The following BOK variants were observed in gnomAD, a reference collection of about 807,000 sequenced individuals.
The protein encoded by BOK is bcl-2-related ovarian killer protein.
A neutral mutation model predicts 18.3 loss-of-function variants in BOK; 20 were observed. The observed-to-expected ratio is 1.09, with a 90% CI of 0.77 to 1.59. The LOEUF (loss-of-function observed/expected upper bound fraction) is 1.59, where lower values mean the gene tolerates loss of function less well. Ranked by LOEUF, BOK falls within the 40% of genes most tolerant of loss-of-function variation. The pLI, the probability that BOK is intolerant of heterozygous loss-of-function variation, is 0.00. For missense variants in BOK, 348 were observed against 307.9 expected, an observed-to-expected ratio of 1.13 and a Z score of -0.97; for synonymous variants, 173 against 142.4, an observed-to-expected ratio of 1.21 and a Z score of -1.53.
At chr2:241,564,402 C>T (rs143016921) in intron 3 of BOK, among the ~76,000 whole-genome samples, 4 of 152,158 alleles carry the variant, frequency 2.6e-5, no homozygotes, top group Non-Finnish European at 4.4e-5. Context: ...TTTGGGAGAT[C>T]GTAAATGAAT....
chr2:241,552,958 T>G (rs1019057854), intron 1 of BOK, among the ~76,000 whole-genome samples: 3 of 152,066 alleles, frequency 2.0e-5, no homozygotes, highest in African/African-American at 7.2e-5. Context: ...CACACAACCC[T>G]CTGCCTGGTT....
chr2:241,555,592 G>A (rs2066445428), upstream of BOK, among the ~76,000 whole-genome samples: 1 of 151,886 alleles, frequency 6.6e-6, no homozygotes, highest in South Asian at 2.1e-4. Context: ...GGTCAAGCTG[G>A]TCTCGAACTC....
At chr2:241,561,192 G>C (rs1264871500) in intron 2 of BOK, among the ~76,000 whole-genome samples, 2 of 152,228 alleles carry the variant, frequency 1.3e-5, no homozygotes, top group Non-Finnish European at 2.9e-5. Context: ...TGTTTGCTTT[G>C]GCTGGAGAAC....
Position 241,562,449 on chromosome 2 carries a change from G to A in BOK, c.322G>A (p.Ala108Thr), listed in dbSNP as rs1185804191. ...GCCTGTGGTGACCGATGCGTTCCTG[G>A]CCGTGGCTGGCCACATCTTCTCTGC... ...SEPVVTDAFL[A>T]VAGHIFSAGI... Residue 108 changes from alanine (A) to threonine (T), a missense_variant, in exon 3 of 5, where the codon GCC (alanine) becomes ACC (threonine). Transcript: ENST00000318407. The surrounding 1 kb of genome is among the most constrained non-coding windows in gnomAD (Gnocchi z 4.5). 2 of 1,611,690 alleles carry A rather than the reference G, an allele frequency of 1.2e-6. No individual in the cohort carries two copies. The highest frequency in any genetic ancestry group is 1.7e-6 in the Non-Finnish European group (2 of 1,179,716).
chr2:241,553,545 C>A (rs1309286390), intron 1 of BOK, among the ~76,000 whole-genome samples: 1 of 152,158 alleles, frequency 6.6e-6, no homozygotes, highest in Non-Finnish European at 1.5e-5. Context: ...AGGAAACTTA[C>A]AATCATGGCG....
chr2:241,567,965 C>T (rs1364966354), intron 3 of BOK, among the ~76,000 whole-genome samples: 7 of 152,088 alleles, frequency 4.6e-5, no homozygotes, highest in African/African-American at 7.2e-5. Flanking sequence ...CACTGCCAGC[C>T]GTGAGCCTGC....
chr2:241,562,354 A>G lies in BOK; in HGVS notation c.227A>G (p.Glu76Gly). 1 of 1,603,288 alleles carries G rather than the reference A, an allele frequency of 6.2e-7. No individual in the cohort carries two copies. The highest frequency in any genetic ancestry group is 8.5e-7 in the Non-Finnish European group (1 of 1,175,804). The stretch of plus-strand genomic sequence containing the variant: ...TGCTCTTGTGACCACACAGGCGATG[A>G]GCTGGAGATGATCCGGCCCAGCGTC... Reference protein sequence around the residue: ...VCAVLLRLGDELEMIRPSVYR... With the variant: ...VCAVLLRLGDGLEMIRPSVYR... The change falls in exon 3 of 5, where the codon GAG becomes GGG. Residue 76 changes from glutamate to glycine, a missense_variant. Physicochemically the swap from Glu to Gly is moderately conservative, Grantham distance 98. Coordinates refer to ENST00000318407, the MANE Select transcript of BOK (RefSeq NM_032515.5). The surrounding 1 kb of genome is among the most constrained non-coding windows in gnomAD (Gnocchi z 4.5).
chr2:241,552,186 A>G (rs1442782803), intron 1 of BOK, among the ~76,000 whole-genome samples: 2 of 152,120 alleles, frequency 1.3e-5, no homozygotes, highest in African/African-American at 4.8e-5. Flanking sequence ...GCCCACCCAC[A>G]AGCGGCTCCC....
intron 4 of BOK, among the ~76,000 whole-genome samples, chr2:241,572,034 C>G (rs966968830): frequency 6.6e-6 from 1 of 152,228 alleles, no homozygotes; most frequent in Non-Finnish European, 1.5e-5. Context: ...GGCAGGGGCC[C>G]TCCGGCCGGC....
intron 4 of BOK, among the ~76,000 whole-genome samples, chr2:241,570,525 T>C (rs1202239823): frequency 2.5e-5 from 1 of 40,758 alleles, no homozygotes; most frequent in Non-Finnish European, 4.5e-5. Context: ...TGGGTGAGCC[T>C]CTGAGCGCCT....
intron 1 of BOK, 39 bp downstream of exon 1, chr2:241,559,032 G>C (rs1455644987): frequency 1.3e-5 from 2 of 151,716 alleles, no homozygotes; most frequent in African/African-American, 2.4e-5. Context: ...CGGGGTGCCC[G>C]GGGTGCCACG....
In BOK at chr2:241,562,699, C is replaced by T. The variant is rs1348286791; in HGVS notation, c.349+223C>T. Among the ~76,000 whole-genome samples the T allele has an allele frequency of 1.3e-5, 2 of 152,216 alleles. No individual in the cohort carries two copies. The highest frequency in any genetic ancestry group is 4.8e-5 in the African/African-American group (2 of 41,454). ...GTGGTTCTGCAGGCTGGTGGGCATG[C>T]TGAGCAGCTGGCACAGGCTTCTTGA... On this transcript the variant is annotated intron_variant, in intron 3 of 4. Coordinates refer to ENST00000318407, the MANE Select transcript of BOK (RefSeq NM_032515.5). This position sits in a 1 kb window ranked among gnomAD's most constrained non-coding sequence, Gnocchi z 4.5.
chr2:241,560,397 C>G, intron 2 of BOK: 1 of 696,000 alleles, frequency 1.4e-6, no homozygotes. Context: ...GTGGCTGAGC[C>G]CGGGAAGGGG....
chr2:241,571,411 C>T (rs1034501008), intron 4 of BOK, among the ~76,000 whole-genome samples: 3 of 149,746 alleles, frequency 2.0e-5, no homozygotes, highest in Non-Finnish European at 3.0e-5. Flanking sequence ...TGTAAATCAG[C>T]GGCCAGGGGT....
At chr2:241,552,576 C>G (rs573235312) in intron 1 of BOK, among the ~76,000 whole-genome samples, 1 of 152,328 alleles carries the variant, frequency 6.6e-6, no homozygotes, top group African/African-American at 2.4e-5. Flanking sequence ...AGGCTGCCGC[C>G]GCTGCTGAAC....
rs2066549661 is a variant in BOK at position 241,562,706 on chromosome 2, G to A, written c.349+230G>A. ...TGCAGGCTGGTGGGCATGCTGAGCA[G>A]CTGGCACAGGCTTCTTGATTGGTTG... On this transcript the variant is annotated intron_variant, in intron 3 of 4. Transcript: ENST00000318407. This position sits in a 1 kb window ranked among gnomAD's most constrained non-coding sequence, Gnocchi z 4.5. Among the ~76,000 whole-genome samples, 1 of 152,232 alleles carries A rather than the reference G, an allele frequency of 6.6e-6. No individual in the cohort carries two copies. Among genetic ancestry groups the A allele is most frequent in the South Asian group, 2.1e-4 (1 of 4,824 alleles).
chr2:241,567,476 G>A lies in BOK; in HGVS notation c.350-2649G>A, dbSNP rs2066633441. On this transcript the variant is annotated intron_variant, in intron 3 of 4. Transcript: ENST00000318407. ...CGGACACCTCAGAACAGGTTGTCCCGCAAGCCACACGCAGTGCTGACATCA... is the reference window on the plus strand; with the variant it reads ...CGGACACCTCAGAACAGGTTGTCCCACAAGCCACACGCAGTGCTGACATCA... 2.2e-5 allele frequency among the ~76,000 whole-genome samples: 3 copies of A among 135,274 alleles called. No individual in the cohort carries two copies. The South Asian group carries it at 7.5e-4, about 34-fold the overall frequency. 88.7% of individuals were successfully genotyped at this position (135,274 alleles called of 152,430 possible).
upstream of BOK, among the ~76,000 whole-genome samples, chr2:241,555,198 ATTTG>A (rs1374986531): frequency 2.0e-5 from 3 of 152,080 alleles, no homozygotes; most frequent in Non-Finnish European, 4.4e-5. Context: ...TCTTTTTAAA[ATTTG>A]TTTTAGAAAC....
chr2:241,565,319 C>T (rs373919586), intron 3 of BOK, among the ~76,000 whole-genome samples: 4 of 152,176 alleles, frequency 2.6e-5, no homozygotes, highest in African/African-American at 9.6e-5. Context: ...AGCCCAAGAG[C>T]CTCGTGACCT....
Sources: allele counts gnomAD v4.1 joint callset (sites outside exome capture counted in the v4.1 genomes callset), GRCh38; gene constraint gnomAD v4.1.1; non-coding constraint Gnocchi (gnomAD v3.1); transcripts MANE v1.5; gene names NCBI Gene and HGNC (gene_info 2026-07-23, HGNC 2026-07-21).